The following GSK3B variants were observed in gnomAD, a reference collection of about 807,000 sequenced individuals.
GSK3B encodes glycogen synthase kinase-3 beta.
In GSK3B, 15 loss-of-function variants were observed where a neutral mutation model predicts 56.4. That is an observed-to-expected ratio of 0.27 (90% CI 0.18 to 0.41). The LOEUF is 0.41. GSK3B is among the 10% of genes least tolerant of loss of function. The pLI is 1.00. For synonymous variants in GSK3B, 181 were observed against 188.9 expected (o/e 0.96, Z 0.34); for missense variants, 300 against 513.4 (o/e 0.58, Z 4.02).
At chr3:120,000,821 C>CA (rs57916840) in intron 2 of GSK3B, among the ~76,000 whole-genome samples, 15,932 of 67,152 alleles carry the variant, frequency 0.24, 1,371 homozygotes, top group African/African-American at 0.37. Context: ...GGGAAGATAG[C>CA]AAAAAAAAAA....
At chr3:120,040,379 G>C (rs769736698) in intron 1 of GSK3B, among the ~76,000 whole-genome samples, 1 of 152,216 alleles carries the variant, frequency 6.6e-6, no homozygotes, top group Non-Finnish European at 1.5e-5. Flanking sequence ...ATTCCCGCGA[G>C]GGAAGTGGCC....
In GSK3B at chr3:119,833,551, A is replaced by T. The variant is rs143663544; in HGVS notation, c.1196-6696T>A. ...CCTTATTTGCTCTCAACACATTTCA[A>T]GTTCTCAGCTACAAAATTATTAAAC... is the stretch of plus-strand genomic sequence containing the variant. On this transcript the variant is annotated intron_variant, in intron 10 of 10. Coordinates refer to ENST00000264235, the MANE Select transcript of GSK3B (RefSeq NM_001146156.2). Among the ~76,000 whole-genome samples, 37 of 152,296 alleles carry T rather than the reference A, an allele frequency of 2.4e-4. No individual in the cohort carries two copies. In the East Asian group the frequency reaches 6.0e-3, roughly 25 times the overall value.
intron 2 of GSK3B, 61 bp from the exon 3 acceptor site, chr3:119,947,412 C>T: frequency 1.0e-6 from 1 of 1,004,442 alleles, no homozygotes; most frequent in Non-Finnish European, 1.6e-6. Flanking sequence ...TCATATTGAA[C>T]AAGATGCTTC....
At chr3:119,923,246 C>T in intron 4 of GSK3B, 127 bp downstream of exon 4, 1 of 499,128 alleles carries the variant, frequency 2.0e-6, no homozygotes, top group Non-Finnish European at 3.5e-6. Flanking sequence ...AAAGTTCCAA[C>T]AATACCTACT....
At chr3:120,054,270 T>C (rs757567750) in intron 1 of GSK3B, among the ~76,000 whole-genome samples, 1 of 152,152 alleles carries the variant, frequency 6.6e-6, no homozygotes, top group African/African-American at 2.4e-5. Context: ...TTCAAATCCC[T>C]GCTTGCTCAC....
chr3:120,040,156 T>C (rs1407116270), intron 1 of GSK3B, among the ~76,000 whole-genome samples: 3 of 152,148 alleles, frequency 2.0e-5, no homozygotes, highest in African/African-American at 7.2e-5. Flanking sequence ...TCCTTGGTGG[T>C]TGGGATTCTG....
chr3:120,028,870 G>T, intron 1 of GSK3B: 1 of 462,214 alleles, frequency 2.2e-6, no homozygotes, highest in Non-Finnish European at 4.1e-6. Flanking sequence ...CGCAGGTTTG[G>T]CTTCTTCGCA....
In GSK3B at chr3:119,825,572, G is replaced by A. The variant is rs1244349745; in HGVS notation, c.*1216C>T. 3 of 227,920 alleles carry A rather than the reference G, an allele frequency of 1.3e-5. No individual in the cohort carries two copies. Among genetic ancestry groups the A allele is most frequent in the East Asian group, 6.4e-5 (1 of 15,738 alleles). The allele number at this position is 227,920 out of a possible 1,614,324, so 14.1% of individuals were successfully genotyped here. ...ATAAAGTCAGCAGGTATAAGTGACT[G>A]TATCATTCTGATGTGTAGTTTTTAA... On this transcript the variant is annotated 3_prime_UTR_variant, in exon 11 of 11. Coordinates refer to ENST00000264235, the MANE Select transcript of GSK3B (RefSeq NM_001146156.2).
intron 10 of GSK3B, among the ~76,000 whole-genome samples, chr3:119,830,741 G>C (rs778058419): frequency 2.3e-4 from 35 of 152,134 alleles, no homozygotes; most frequent in Non-Finnish European, 4.6e-4. Flanking sequence ...AACATTTATT[G>C]AGTATGAAGC....
At position 120,093,474 on chromosome 3, in the gene GSK3B, CT is replaced by C; in HGVS notation, c.-41del. The C allele has an allele frequency of 7.8e-7, 1 of 1,289,476 alleles. No homozygotes were observed. The highest frequency in any genetic ancestry group is 1.1e-6 in the Non-Finnish European group (1 of 885,008). The allele number at this position is 1,289,476 out of a possible 1,614,324, so 79.9% of individuals were successfully genotyped here. A position where few individuals can be genotyped will look rare whatever the true frequency, so the allele number is the denominator to read the frequency against. On this transcript the variant is annotated 5_prime_UTR_variant, in exon 1 of 11. Coordinates refer to ENST00000264235, the MANE Select transcript of GSK3B (RefSeq NM_001146156.2). ...CGAATCACCTTTTCCTTCCTTCCTC[CT>C]TTTCTTCCTTTTGTCTTTATGTTGG...
intron 3 of GSK3B, among the ~76,000 whole-genome samples, chr3:119,940,840 T>C (rs1416862505): frequency 6.6e-6 from 1 of 152,160 alleles, no homozygotes; most frequent in African/African-American, 2.4e-5. Context: ...AATCACTCTA[T>C]GGGCAGGTCA....
At chr3:119,973,625 C>T (rs769463274) in intron 2 of GSK3B, among the ~76,000 whole-genome samples, 1 of 152,180 alleles carries the variant, frequency 6.6e-6, no homozygotes, top group African/African-American at 2.4e-5. Flanking sequence ...AGGGTGGTTA[C>T]AGCACAATAA....
chr3:119,861,523 AAC>A, intron 9 of GSK3B, among the ~76,000 whole-genome samples: 1 of 151,722 alleles, frequency 6.6e-6, no homozygotes, highest in Non-Finnish European at 1.5e-5. Flanking sequence ...AAAAAAAAAA[AAC>A]AAAACAAACA....
intron 1 of GSK3B, among the ~76,000 whole-genome samples, chr3:120,026,289 A>AGC (rs1351411407): frequency 6.6e-6 from 1 of 152,172 alleles, no homozygotes; most frequent in African/African-American, 2.4e-5. Flanking sequence ...TAAAGGAGAA[A>AGC]GAGTTATTTG....
chr3:119,960,625 A>C (rs1397280964), intron 2 of GSK3B, among the ~76,000 whole-genome samples: 1 of 152,204 alleles, frequency 6.6e-6, no homozygotes, highest in African/African-American at 2.4e-5. Flanking sequence ...AACTGCATAA[A>C]TATCTGAATA....
chr3:119,923,474 C>T lies in GSK3B; in HGVS notation c.376G>A (p.Val126Ile), dbSNP rs1278284853. 15 of 1,532,190 alleles carry T rather than the reference C, an allele frequency of 9.8e-6. No individual in the cohort carries two copies. The East Asian group carries it at 3.4e-4, about 35-fold the overall frequency. 94.9% of individuals were successfully genotyped at this position (1,532,190 alleles called of 1,614,324 possible). A position where few individuals can be genotyped will look rare whatever the true frequency, so the allele number is the denominator to read the frequency against. The change falls in exon 4 of 11, where the codon GTC becomes ATC. Residue 126 changes from valine (V) to isoleucine (I), a missense_variant. Physicochemically the swap from Val to Ile is conservative, Grantham distance 29 (BLOSUM62 3). Transcript: ENST00000264235. ...TAGTCCAGCACCAGATTAAGATAGA[C>T]CTCATCTTTCTGAAAGAGTTTATTT... Reference protein sequence around the residue: ...FYSSGEKKDEVYLNLVLDYVP... With the variant: ...FYSSGEKKDEIYLNLVLDYVP...
chr3:119,980,710 T>C (rs2057452412), intron 2 of GSK3B, among the ~76,000 whole-genome samples: 1 of 152,302 alleles, frequency 6.6e-6, no homozygotes, highest in South Asian at 2.1e-4. Flanking sequence ...GATAGCTGTA[T>C]CTTAAACTAT....
At chr3:120,014,395 G>A (rs1158317513) in intron 1 of GSK3B, among the ~76,000 whole-genome samples, 1 of 152,190 alleles carries the variant, frequency 6.6e-6, no homozygotes, top group Non-Finnish European at 1.5e-5. Flanking sequence ...GTAGAAAACT[G>A]AGCCCCATGG....
intron 1 of GSK3B, among the ~76,000 whole-genome samples, chr3:120,074,352 C>CT (rs61588608): frequency 0.014 from 1,830 of 134,766 alleles, 44 homozygotes; most frequent in Admixed American, 0.068. Context: ...TCATGAGAAA[C>CT]TTTTTTTTTT....
Sources: allele counts gnomAD v4.1 joint callset (sites outside exome capture counted in the v4.1 genomes callset), GRCh38; gene constraint gnomAD v4.1.1; transcripts MANE v1.5; gene names NCBI Gene and HGNC (gene_info 2026-07-23, HGNC 2026-07-21).